The following PREPL variants were observed in gnomAD, a reference collection of about 807,000 sequenced individuals.
PREPL encodes prolyl endopeptidase like, also known as prolyl endopeptidase-like.
In PREPL, 77 loss-of-function variants were observed where a neutral mutation model predicts 70.6. The observed-to-expected ratio is 1.09, with a 90% CI of 0.91 to 1.32. PREPL has a LOEUF of 1.32. Among genes scored for constraint, PREPL ranks in the 40% most tolerant of loss-of-function variants. The pLI is 0.00. For missense variants in PREPL, 1,002 were observed against 778.2 expected (o/e 1.29, Z -3.42); for synonymous variants, 315 against 264.8 (o/e 1.19, Z -1.84).
chr2:44,330,886 C>G (rs1362398296), intron 8 of PREPL, among the ~76,000 whole-genome samples: 1 of 152,140 alleles, frequency 6.6e-6, no homozygotes, highest in Non-Finnish European at 1.5e-5. Flanking sequence ...TCTCTCTCTA[C>G]TCCTCACCCT....
At chr2:44,332,753 T>A in intron 7 of PREPL, 97 bp from the exon 8 acceptor site, 1 of 979,034 alleles carries the variant, frequency 1.0e-6, no homozygotes, top group Non-Finnish European at 1.5e-6. Flanking sequence ...GATGTGGATA[T>A]CTCGTTTACT....
At position 44,339,271 on chromosome 2, in the gene PREPL, C is replaced by G; in HGVS notation, c.578G>C (p.Gly193Ala). 1.2e-6 allele frequency: 2 copies of G among 1,614,036 alleles called. No individual in the cohort carries two copies. The highest frequency in any genetic ancestry group is 1.7e-6 in the Non-Finnish European group (2 of 1,179,990). ...TACTGGTGGGTCCCAAGGGCTCAGG[C>G]CATCTATCAACCACACTTCAGAAGT... Reference protein sequence around the residue: ...KTTSEVWLIDGLSPWDPPVLI... With the variant: ...KTTSEVWLIDALSPWDPPVLI... Residue 193 changes from glycine (G) to alanine (A), a missense_variant, in exon 6 of 14, where the codon GGC becomes GCC. Gly to Ala is a moderately conservative substitution (Grantham distance 60, BLOSUM62 0). Coordinates refer to ENST00000409411, the MANE Select transcript of PREPL (RefSeq NM_001171613.2).
At position 44,343,781 on chromosome 2, in the gene PREPL, C is replaced by T. The variant is rs763621305; in HGVS notation, c.313G>A (p.Val105Ile). The change falls in exon 4 of 14, where the codon GTA becomes ATA. Residue 105 changes from valine (V) to isoleucine (I), a missense_variant. Physicochemically the swap from Val to Ile is conservative, Grantham distance 29. Coordinates refer to ENST00000409411, the MANE Select transcript of PREPL (RefSeq NM_001171613.2). ...ACATTCGGGAAAGAAGCTTCCATTA[C>T]GGGCTGATCGCTGAGCTTTATAATT... is the stretch of plus-strand genomic sequence containing the variant. Reference protein sequence around the residue: ...CVIIKLSDQPVMEASFPNVSS... With the variant: ...CVIIKLSDQPIMEASFPNVSS... The T allele has an allele frequency of 9.3e-6, 15 of 1,613,790 alleles. No individual in the cohort carries two copies. Among genetic ancestry groups the T allele is most frequent in the Admixed American group, 5.0e-5 (3 of 60,000 alleles).
chr2:44,321,583 G>C, intron 13 of PREPL, 138 bp from the exon 14 acceptor site: 1 of 1,490,808 alleles, frequency 6.7e-7, no homozygotes, highest in Non-Finnish European at 8.9e-7. Context: ...ATTCGAGAGA[G>C]AGGCAGAAGG....
At chr2:44,342,392 A>G in intron 5 of PREPL, 25 bp downstream of exon 5, 1 of 1,570,030 alleles carries the variant, frequency 6.4e-7, no homozygotes, top group Non-Finnish European at 8.7e-7. Flanking sequence ...CTGGAGAGAA[A>G]GATTTAATTA....
At chr2:44,339,572 A>G (rs1318950463) in intron 5 of PREPL, among the ~76,000 whole-genome samples, 1 of 152,206 alleles carries the variant, frequency 6.6e-6, no homozygotes, top group East Asian at 1.9e-4. Flanking sequence ...AAAATAATTT[A>G]CTTCTAACAT....
intron 1 of PREPL, among the ~76,000 whole-genome samples, chr2:44,355,326 T>C (rs530174068): frequency 5.6e-4 from 86 of 152,310 alleles, no homozygotes; most frequent in Non-Finnish European, 9.3e-4. Flanking sequence ...GGCAGGTGGA[T>C]TGCTTGAGGC....
chr2:44,341,852 T>G (rs1407469460), intron 5 of PREPL, among the ~76,000 whole-genome samples: 1 of 152,116 alleles, frequency 6.6e-6, no homozygotes, highest in African/African-American at 2.4e-5. Flanking sequence ...TTTAATTTTT[T>G]CACCTAGCAC....
At chr2:44,348,738 A>G (rs1439591072) in intron 1 of PREPL, among the ~76,000 whole-genome samples, 1 of 152,222 alleles carries the variant, frequency 6.6e-6, no homozygotes, top group Non-Finnish European at 1.5e-5. Context: ...ACGAAATTCA[A>G]GCAGAACTCA....
rs1035066308 is a variant in PREPL, at chr2:44,320,144, T to C, written c.*1212A>G. The C allele has an allele frequency of 4.8e-6, 7 of 1,452,944 alleles. No homozygotes were observed. Among genetic ancestry groups the C allele is most frequent in the Non-Finnish European group, 6.6e-6 (7 of 1,052,860 alleles). 90.0% of individuals were successfully genotyped at this position (1,452,944 alleles called of 1,614,324 possible). A position where few individuals can be genotyped will look rare whatever the true frequency, so the allele number is the denominator to read the frequency against. On this transcript the variant is annotated 3_prime_UTR_variant, in exon 14 of 14. Coordinates refer to ENST00000409411, the MANE Select transcript of PREPL (RefSeq NM_001171613.2). ...ACTCCTTACAATATATTAAAAATAC[T>C]TACAAACAATTCTTAGAATCAAACA...
chr2:44,322,628 T>C, intron 12 of PREPL, 103 bp downstream of exon 12: 1 of 1,420,392 alleles, frequency 7.0e-7, no homozygotes. Flanking sequence ...CCCTAAATCC[T>C]GGGCAGATGA....
At chr2:44,346,175 G>C in intron 2 of PREPL, 93 bp downstream of exon 2, 1 of 1,213,376 alleles carries the variant, frequency 8.2e-7, no homozygotes, top group Non-Finnish European at 1.2e-6. Context: ...GTATAATCTT[G>C]ATGTGGACTA....
rs899867070 is a variant in PREPL at position 44,319,744 on chromosome 2, C to A, written c.*1612G>T. ...TACATGTCTGCTAAAGTTACACGATCTTCGCACAACAGCAACCTACACATT... is the reference window on the plus strand; with the variant it reads ...TACATGTCTGCTAAAGTTACACGATATTCGCACAACAGCAACCTACACATT... On this transcript the variant is annotated 3_prime_UTR_variant, in exon 14 of 14. Coordinates refer to ENST00000409411, the MANE Select transcript of PREPL (RefSeq NM_001171613.2). The A allele has an allele frequency of 6.4e-6, 1 of 156,014 alleles. No homozygotes were observed. The highest frequency in any genetic ancestry group is 2.4e-5 in the African/African-American group (1 of 41,476). The allele number at this position is 156,014 out of a possible 1,614,324, so 9.7% of individuals were successfully genotyped here. A position where few individuals can be genotyped will look rare whatever the true frequency, so the allele number is the denominator to read the frequency against.
chr2:44,330,571 G>C (rs1415468290), intron 8 of PREPL, among the ~76,000 whole-genome samples: 1 of 152,062 alleles, frequency 6.6e-6, no homozygotes, highest in African/African-American at 2.4e-5. Flanking sequence ...CTGTATTTTT[G>C]CATCTGTTCA....
rs569232145 is a variant in PREPL at position 44,328,048 on chromosome 2, G to A, written c.1262+889C>T. Reference sequence around the variant, plus strand: ...TGCCTGTAATCCCAGCACTTTGGGAGGCTGAGGCGGGCGGATCACTTGAGG... The same window carrying A: ...TGCCTGTAATCCCAGCACTTTGGGAAGCTGAGGCGGGCGGATCACTTGAGG... On this transcript the variant is annotated intron_variant, in intron 9 of 13. Transcript: ENST00000409411. Among the ~76,000 whole-genome samples, 8 of 151,630 alleles carry A rather than the reference G, an allele frequency of 5.3e-5. No homozygotes were observed. The East Asian group carries it at 1.6e-3, about 30-fold the overall frequency.
chr2:44,354,141 G>C (rs1283884875), intron 1 of PREPL, among the ~76,000 whole-genome samples: 3 of 152,128 alleles, frequency 2.0e-5, no homozygotes, highest in Non-Finnish European at 2.9e-5. Flanking sequence ...GAGCAACAGA[G>C]TGAGGCCCTC....
In PREPL at chr2:44,320,722, T is replaced by A; in HGVS notation, c.*634A>T. Reference sequence around the variant, plus strand: ...ATAGCTTCATGTACAGCATGCTGCTTGGTGAACAATCATTAATTCTTCGAT... The same window carrying A: ...ATAGCTTCATGTACAGCATGCTGCTAGGTGAACAATCATTAATTCTTCGAT... On this transcript the variant is annotated 3_prime_UTR_variant, in exon 14 of 14. Coordinates refer to ENST00000409411, the MANE Select transcript of PREPL (RefSeq NM_001171613.2). 9.7e-7 allele frequency: 1 copy of A among 1,033,438 alleles called. No homozygotes were observed. The highest frequency in any genetic ancestry group is 1.5e-6 in the Non-Finnish European group (1 of 657,140). The allele number at this position is 1,033,438 out of a possible 1,614,324, so 64.0% of individuals were successfully genotyped here. A position where few individuals can be genotyped will look rare whatever the true frequency, so the allele number is the denominator to read the frequency against.
chr2:44,344,596 G>T lies in PREPL; in HGVS notation c.76-10C>A. The T allele has an allele frequency of 1.9e-6, 3 of 1,577,888 alleles. No individual in the cohort carries two copies. The highest frequency in any genetic ancestry group is 2.6e-6 in the Non-Finnish European group (3 of 1,159,618). ...AACCACCATGTTTAACCTGACAAAA[G>T]AAACATGCAGTTTACTTAATAATAA... On this transcript the variant is annotated splice_polypyrimidine_tract_variant and intron_variant, in intron 2 of 13. Coordinates refer to ENST00000409411, the MANE Select transcript of PREPL (RefSeq NM_001171613.2).
intron 7 of PREPL, among the ~76,000 whole-genome samples, chr2:44,337,147 T>C (rs1259250369): frequency 6.6e-6 from 1 of 152,216 alleles, no homozygotes; most frequent in Non-Finnish European, 1.5e-5. Flanking sequence ...TAATTAACAG[T>C]TTCCTGAACA....
Sources: allele counts gnomAD v4.1 joint callset (sites outside exome capture counted in the v4.1 genomes callset), GRCh38; gene constraint gnomAD v4.1.1; transcripts MANE v1.5; gene names NCBI Gene and HGNC (gene_info 2026-07-23, HGNC 2026-07-21).